PDE10A: variants seen among roughly 807,000 people sequenced by gnomAD.
The protein encoded by PDE10A is cAMP and cAMP-inhibited cGMP 3',5'-cyclic phosphodiesterase 10A.
In PDE10A, 39 loss-of-function variants were observed where a neutral mutation model predicts 97.7. The observed-to-expected ratio is 0.40, with a 90% CI of 0.31 to 0.52. The LOEUF is 0.52. Among genes scored for constraint, PDE10A ranks in the 20% least tolerant of loss-of-function variants. PDE10A has a pLI of 0.56. For missense variants in PDE10A, 731 were observed against 1,047.8 expected (o/e 0.70, Z 4.17); for synonymous variants, 371 against 376.8 (o/e 0.98, Z 0.18).
At chr6:165,409,490 T>C (rs1787544097) in intron 13 of PDE10A, 3 of 152,724 alleles carry the variant, frequency 2.0e-5, no homozygotes, top group South Asian at 4.1e-4. Flanking sequence ...GAGGTTGCAG[T>C]GAGCCAAGAT....
chr6:165,481,707 C>G (rs952859525), intron 3 of PDE10A, among the ~76,000 whole-genome samples: 1 of 150,726 alleles, frequency 6.6e-6, no homozygotes, highest in African/African-American at 2.4e-5. Flanking sequence ...GCTTTCAGTA[C>G]TCACCTGCCA....
intron 1 of PDE10A, among the ~76,000 whole-genome samples, chr6:165,905,032 T>C (rs1782222112): frequency 6.6e-6 from 1 of 152,208 alleles, no homozygotes; most frequent in African/African-American, 2.4e-5. Context: ...TTATGAGCTT[T>C]TGTGTAATAG....
chr6:165,568,070 C>T (rs547345562), intron 1 of PDE10A, among the ~76,000 whole-genome samples: 1 of 133,508 alleles, frequency 7.5e-6, no homozygotes, highest in African/African-American at 2.8e-5. Flanking sequence ...ACAATCTTGG[C>T]TCACTGCAAG....
chr6:165,519,610 C>A (rs1197897039), intron 2 of PDE10A, among the ~76,000 whole-genome samples: 1 of 152,086 alleles, frequency 6.6e-6, no homozygotes, highest in East Asian at 1.9e-4. Flanking sequence ...ATTTGCCTTG[C>A]CTTGCTTCAT....
intron 1 of PDE10A, among the ~76,000 whole-genome samples, chr6:165,962,238 C>G (rs1306284995): frequency 1.3e-5 from 2 of 152,214 alleles, no homozygotes; most frequent in African/African-American, 2.4e-5. Context: ...ATCCATATCA[C>G]AGGACTCAGA....
chr6:165,876,357 G>A (rs1350962396), intron 1 of PDE10A, among the ~76,000 whole-genome samples: 1 of 152,090 alleles, frequency 6.6e-6, no homozygotes, highest in Non-Finnish European at 1.5e-5. Context: ...TTAAAATAAA[G>A]AAGTGTGTCA....
intron 5 of PDE10A, among the ~76,000 whole-genome samples, chr6:165,448,531 C>A (rs1323622568): frequency 1.3e-5 from 2 of 152,136 alleles, no homozygotes; most frequent in Non-Finnish European, 2.9e-5. Flanking sequence ...CTTTAAAAAT[C>A]ACCCAGAAAA....
intron 3 of PDE10A, among the ~76,000 whole-genome samples, chr6:165,455,578 C>A (rs1186863075): frequency 1.3e-5 from 2 of 152,236 alleles, no homozygotes; most frequent in African/African-American, 4.8e-5. Context: ...AAACTACTAA[C>A]TGCTACTATT....
In PDE10A at chr6:165,611,945, C is replaced by T. The variant is rs373963169; in HGVS notation, c.865+50002G>A. Among the ~76,000 whole-genome samples the T allele has an allele frequency of 2.1e-4, 32 of 152,320 alleles. 1 individual carries two copies. Among genetic ancestry groups the T allele is most frequent in the African/African-American group, 7.7e-4 (32 of 41,584 alleles). On this transcript the variant is annotated intron_variant, in intron 1 of 21. Coordinates refer to ENST00000539869, the MANE Select transcript of PDE10A (RefSeq NM_001385079.1). ...CACTGGTTGCCAGTATTGGACACTA[C>T]CTTTCCCTGCTTCTTTTACACACTT...
chr6:165,712,801 G>A (rs1020119951), intron 1 of PDE10A, among the ~76,000 whole-genome samples: 2 of 151,798 alleles, frequency 1.3e-5, no homozygotes, highest in South Asian at 2.1e-4. Flanking sequence ...CACCACGCCC[G>A]GCTTATTTTT....
intron 1 of PDE10A, among the ~76,000 whole-genome samples, chr6:165,709,404 C>G (rs1354996195): frequency 6.9e-6 from 1 of 145,334 alleles, no homozygotes; most frequent in Non-Finnish European, 1.5e-5. Flanking sequence ...CTGCCGCGCT[C>G]CCTCCACTCT....
At chr6:165,941,137 G>A (rs1002715994) in intron 1 of PDE10A, among the ~76,000 whole-genome samples, 1 of 152,086 alleles carries the variant, frequency 6.6e-6, no homozygotes, top group African/African-American at 2.4e-5. Flanking sequence ...GATACTTCTA[G>A]GTTCCATTTC....
At chr6:165,714,134 T>A (rs1287931229) in intron 1 of PDE10A, among the ~76,000 whole-genome samples, 4 of 151,970 alleles carry the variant, frequency 2.6e-5, no homozygotes, top group African/African-American at 9.7e-5. Context: ...ATGGCAGGGG[T>A]CCCCTATTGC....
At chr6:165,653,351 C>T (rs1287861259) in intron 1 of PDE10A, among the ~76,000 whole-genome samples, 2 of 152,134 alleles carry the variant, frequency 1.3e-5, no homozygotes, top group Non-Finnish European at 2.9e-5. Flanking sequence ...TAAGCACCAG[C>T]AAGGATGGAA....
intron 1 of PDE10A, among the ~76,000 whole-genome samples, chr6:165,632,150 A>AGG (rs1428043062): frequency 1.4e-5 from 2 of 139,444 alleles, no homozygotes; most frequent in African/African-American, 5.2e-5. Flanking sequence ...CAGTGAGCCA[A>AGG]GATTGCGCCA....
In PDE10A at chr6:165,648,441, G is replaced by A. The variant is rs985926760; in HGVS notation, c.865+13506C>T. ...AAAAGAAAAAAAAAAGAGCAAGAGT[G>A]AATTACATCTCTTTCTATACACGTG... On this transcript the variant is annotated intron_variant, in intron 1 of 21. Transcript: ENST00000539869. 7.2e-5 allele frequency among the ~76,000 whole-genome samples: 11 copies of A among 152,030 alleles called. No individual in the cohort carries two copies. In the East Asian group the frequency reaches 1.4e-3, roughly 19 times the overall value.
chr6:165,344,715 T>C (rs1782195369), intron 18 of PDE10A, among the ~76,000 whole-genome samples: 1 of 152,190 alleles, frequency 6.6e-6, no homozygotes, highest in Non-Finnish European at 1.5e-5. Context: ...ATCACAGAGT[T>C]CTTTATTTCC....
chr6:165,921,898 G>A (rs1383474280), intron 1 of PDE10A, among the ~76,000 whole-genome samples: 1 of 152,162 alleles, frequency 6.6e-6, no homozygotes, highest in African/African-American at 2.4e-5. Flanking sequence ...TCCAACTAAT[G>A]TCACGAATGG....
At chr6:165,811,276 G>A (rs895263106) in intron 1 of PDE10A, among the ~76,000 whole-genome samples, 7 of 152,116 alleles carry the variant, frequency 4.6e-5, no homozygotes, top group Non-Finnish European at 1.0e-4. Context: ...CTAGAAGCTA[G>A]CATCTGAACA....
Sources: gnomAD v4.1 joint callset for allele counts (sites outside exome capture counted in the v4.1 genomes callset) on GRCh38, gnomAD v4.1.1 for gene constraint, MANE v1.5 for transcripts, NCBI Gene and HGNC (gene_info 2026-07-23, HGNC 2026-07-21) for gene names.